The following ELMO1 variants were observed in gnomAD, a reference collection of about 807,000 sequenced individuals.
ELMO1 encodes engulfment and cell motility protein 1.
In ELMO1, 26 loss-of-function variants were observed where a neutral mutation model predicts 98.9. The observed-to-expected ratio is 0.26, with a 90% confidence interval of 0.19 to 0.36. The LOEUF (loss-of-function observed/expected upper bound fraction) is 0.36, where lower values mean the gene tolerates loss of function less well. ELMO1 is among the 10% of genes least tolerant of loss of function. The pLI is 1.00. For synonymous variants in ELMO1, 346 were observed against 346.0 expected, an observed-to-expected ratio of 1.00 and a Z score of 0.00; for missense variants, 627 against 935.2, an observed-to-expected ratio of 0.67 and a Z score of 4.30.
At chr7:37,095,274 A>T (rs1240031839) in intron 15 of ELMO1, among the ~76,000 whole-genome samples, 1 of 152,248 alleles carries the variant, frequency 6.6e-6, no homozygotes, top group Non-Finnish European at 1.5e-5. Flanking sequence ...ATAAACATGA[A>T]ACAGTCACAG....
At chr7:37,028,399 A>AT (rs1343267629) in intron 15 of ELMO1, among the ~76,000 whole-genome samples, 1 of 152,132 alleles carries the variant, frequency 6.6e-6, no homozygotes, top group Non-Finnish European at 1.5e-5. Context: ...AACTATCATA[A>AT]TTTTTTGGAC....
chr7:36,875,609 C>T (rs1803891562), intron 19 of ELMO1, among the ~76,000 whole-genome samples: 1 of 152,302 alleles, frequency 6.6e-6, no homozygotes, highest in South Asian at 2.1e-4. Flanking sequence ...TGCTCAGTGG[C>T]CACTGCGAAA....
chr7:37,159,558 G>T (rs761057691), intron 13 of ELMO1, among the ~76,000 whole-genome samples: 3 of 152,132 alleles, frequency 2.0e-5, no homozygotes. Context: ...AAATTAGCCA[G>T]GCGTGGTGGT....
intron 16 of ELMO1, among the ~76,000 whole-genome samples, chr7:36,924,948 A>C (rs1041425056): frequency 1.3e-4 from 20 of 152,246 alleles, no homozygotes. Flanking sequence ...ATTTCAATTC[A>C]GAACAGTTTT....
chr7:37,373,243 G>A (rs899609401), intron 1 of ELMO1, among the ~76,000 whole-genome samples: 1 of 152,200 alleles, frequency 6.6e-6, no homozygotes, highest in African/African-American at 2.4e-5. Flanking sequence ...AAAAGCGGTA[G>A]TTTAATCAAT....
intron 1 of ELMO1, chr7:37,376,031 G>A (rs566520267): frequency 2.2e-6 from 1 of 452,974 alleles, no homozygotes; most frequent in East Asian, 4.9e-5. Flanking sequence ...TAAAACTGGA[G>A]AGGATTATTT....
rs2392479 is a variant in ELMO1 at position 37,307,970 on chromosome 7, G to A, written c.192+6880C>T. On this transcript the variant is annotated intron_variant, in intron 4 of 21. Transcript: ENST00000310758. Reference sequence around the variant, plus strand: ...TCTACTAAAAATACAAAAATTAGCCGCGCATGGTGGCACATGCCTGTAATC... The same window carrying A: ...TCTACTAAAAATACAAAAATTAGCCACGCATGGTGGCACATGCCTGTAATC... Among the ~76,000 whole-genome samples the A allele has an allele frequency of 3.5e-4, 53 of 152,106 alleles. 2 individuals are homozygous for A. The highest frequency in any genetic ancestry group is 2.7e-3 in the East Asian group (14 of 5,160).
chr7:37,295,924 T>C (rs1377509980), intron 4 of ELMO1, among the ~76,000 whole-genome samples: 1 of 152,238 alleles, frequency 6.6e-6, no homozygotes. Flanking sequence ...TACGCTTTTG[T>C]GTGTTGTTGC....
chr7:36,948,967 T>A (rs987894588), intron 16 of ELMO1, among the ~76,000 whole-genome samples: 3 of 152,176 alleles, frequency 2.0e-5, no homozygotes, highest in Non-Finnish European at 4.4e-5. Flanking sequence ...GCGATTCTCC[T>A]GCCTCAGCTT....
At chr7:37,022,278 A>C (rs892832499) in intron 15 of ELMO1, among the ~76,000 whole-genome samples, 1 of 152,244 alleles carries the variant, frequency 6.6e-6, no homozygotes, top group African/African-American at 2.4e-5. Flanking sequence ...CTTGTTTGTC[A>C]AAATATACAA....
intron 17 of ELMO1, among the ~76,000 whole-genome samples, chr7:36,894,350 C>T (rs182439492): frequency 3.3e-5 from 5 of 152,304 alleles, no homozygotes; most frequent in East Asian, 3.9e-4. Context: ...TAGCATGCTC[C>T]GATGCCAACC....
chr7:37,031,406 GA>G (rs1794874449), intron 15 of ELMO1, among the ~76,000 whole-genome samples: 2 of 152,056 alleles, frequency 1.3e-5, no homozygotes, highest in South Asian at 4.1e-4. Flanking sequence ...AGACAATAAT[GA>G]AAAACATAAA....
At chr7:37,099,404 C>T (rs577665129) in intron 14 of ELMO1, among the ~76,000 whole-genome samples, 4 of 152,300 alleles carry the variant, frequency 2.6e-5, no homozygotes, top group African/African-American at 9.6e-5. Context: ...CATTCAATTT[C>T]AACATTCTGA....
chr7:37,126,315 A>ATC (rs1011290803), intron 14 of ELMO1, among the ~76,000 whole-genome samples: 3 of 146,566 alleles, frequency 2.0e-5, no homozygotes, highest in Non-Finnish European at 4.5e-5. Context: ...ATATATATAT[A>ATC]TATATATATA....
intron 13 of ELMO1, among the ~76,000 whole-genome samples, chr7:37,144,247 A>ATT (rs1787840018): frequency 6.6e-6 from 1 of 151,810 alleles, no homozygotes; most frequent in Non-Finnish European, 1.5e-5. Context: ...CTATGTTCTC[A>ATT]TTCTCTCTCT....
intron 16 of ELMO1, among the ~76,000 whole-genome samples, chr7:36,952,143 C>T (rs1788015422): frequency 6.6e-6 from 1 of 152,206 alleles, no homozygotes; most frequent in Non-Finnish European, 1.5e-5. Flanking sequence ...TTCAGCATCT[C>T]TGAGGCCTGC....
intron 6 of ELMO1, among the ~76,000 whole-genome samples, chr7:37,247,894 A>AGTGTGTGTGTGT (rs1562551690): frequency 5.6e-5 from 6 of 108,080 alleles, no homozygotes; most frequent in African/African-American, 2.2e-4. Context: ...TTTGAAATAA[A>AGTGTGTGTGTGT]ATGTGTGTGT....
At chr7:37,429,807 A>G (rs1208118932) in intron 1 of ELMO1, 1 of 152,344 alleles carries the variant, frequency 6.6e-6, no homozygotes, top group East Asian at 1.9e-4. Context: ...GAGGAATGGA[A>G]CTAGAGGGAA....
At chr7:37,021,174 GGA>G (rs1015277519) in intron 15 of ELMO1, among the ~76,000 whole-genome samples, 2 of 152,120 alleles carry the variant, frequency 1.3e-5, no homozygotes, top group African/African-American at 4.8e-5. Context: ...GGTGAAAAGA[GGA>G]GAGTGGGGTC....
Sources: allele counts gnomAD v4.1 joint callset (sites outside exome capture counted in the v4.1 genomes callset), GRCh38; gene constraint gnomAD v4.1.1; transcripts MANE v1.5; gene names NCBI Gene and HGNC (gene_info 2026-07-23, HGNC 2026-07-21).